COL5A2: variants seen among roughly 807,000 people sequenced by gnomAD.
COL5A2 encodes the protein collagen type V alpha 2 chain.
In COL5A2, 23 loss-of-function variants were observed where a neutral mutation model predicts 208.2. The ratio of observed to expected loss-of-function variants is 0.11; its 90% confidence interval spans 0.08 to 0.16. The LOEUF is 0.16. Among genes scored for constraint, COL5A2 ranks in the 10% least tolerant of loss-of-function variants. The pLI, the probability that COL5A2 is intolerant of heterozygous loss-of-function variation, is 1.00. For missense variants in COL5A2, 1,590 were observed against 1,956.4 expected (o/e 0.81, Z 3.53); for synonymous variants, 625 against 628.5 (o/e 0.99, Z 0.08).
At chr2:189,049,832 G>C (rs1685747352) in intron 43 of COL5A2, among the ~76,000 whole-genome samples, 1 of 152,090 alleles carries the variant, frequency 6.6e-6, no homozygotes, top group African/African-American at 2.4e-5. Flanking sequence ...TCTCACTCTT[G>C]AGAGATTTTA....
intron 33 of COL5A2, 99 bp from the exon 34 acceptor site, chr2:189,057,526 T>G: frequency 1.2e-6 from 1 of 855,482 alleles, no homozygotes; most frequent in Non-Finnish European, 2.0e-6. Flanking sequence ...AGCAATTTCA[T>G]GTAGTTCAAC....
intron 5 of COL5A2, among the ~76,000 whole-genome samples, chr2:189,098,125 T>C (rs1262254886): frequency 6.6e-6 from 1 of 152,204 alleles, no homozygotes; most frequent in East Asian, 1.9e-4. Context: ...ATTGTGTATT[T>C]ACTCAACCCA....
At chr2:189,154,680 A>C (rs1688210746) in intron 1 of COL5A2, among the ~76,000 whole-genome samples, 1 of 152,150 alleles carries the variant, frequency 6.6e-6, no homozygotes, top group Admixed American at 6.6e-5. Flanking sequence ...TAGGTTGCCC[A>C]GGCTGTTCTT....
chr2:189,045,340 ATGTGTGTGTG>A (rs111268949), intron 46 of COL5A2, 108 bp from the exon 47 acceptor site: 19 of 582,260 alleles, frequency 3.3e-5, no homozygotes, highest in Non-Finnish European at 4.0e-5. Flanking sequence ...ATATATATAT[ATGTGTGTGTG>A]TGTGTGTGTG....
intron 42 of COL5A2, 49 bp from the exon 43 acceptor site, chr2:189,050,725 T>C (rs1685768205): frequency 6.9e-7 from 1 of 1,453,058 alleles, no homozygotes; most frequent in Non-Finnish European, 9.4e-7. Flanking sequence ...GGTAAAACTG[T>C]ACCCAAGGAA....
At position 189,058,415 on chromosome 2, in the gene COL5A2, A is replaced by C; in HGVS notation, c.2229+14T>G. 1.9e-6 allele frequency: 3 copies of C among 1,599,548 alleles called. No individual in the cohort carries two copies. Among genetic ancestry groups the C allele is most frequent in the Non-Finnish European group, 1.7e-6 (2 of 1,166,802 alleles). On this transcript the variant is annotated intron_variant, in intron 33 of 53. Coordinates refer to ENST00000374866, the MANE Select transcript of COL5A2 (RefSeq NM_000393.5). The stretch of plus-strand genomic sequence containing the variant: ...TAAAGCATTTTAAAACACTGAGATC[A>C]CTATGACACTTACTTTTGGGCCATC...
chr2:189,164,927 A>C (rs1447677101), intron 1 of COL5A2, among the ~76,000 whole-genome samples: 1 of 152,234 alleles, frequency 6.6e-6, no homozygotes, highest in Non-Finnish European at 1.5e-5. Flanking sequence ...GAGCAAGCTC[A>C]AACAGCTGCT....
At chr2:189,257,351 T>C in the COL5A2 span, among the ~76,000 whole-genome samples, 2 of 152,180 alleles carry the variant, frequency 1.3e-5, no homozygotes, top group African/African-American at 4.8e-5. Flanking sequence ...CCTAAACAAT[T>C]TGTGAGGTTC....
chr2:189,366,991 G>A, the COL5A2 span, among the ~76,000 whole-genome samples: 2 of 152,126 alleles, frequency 1.3e-5, no homozygotes, highest in African/African-American at 2.4e-5. Context: ...GTTGGCAGAC[G>A]ATCTCATTTT....
intron 1 of COL5A2, among the ~76,000 whole-genome samples, chr2:189,163,236 A>G (rs1212930422): frequency 1.3e-5 from 2 of 152,108 alleles, no homozygotes; most frequent in African/African-American, 2.4e-5. Flanking sequence ...GCAGTTTGGT[A>G]TGTTCAAGGA....
intron 1 of COL5A2, among the ~76,000 whole-genome samples, chr2:189,202,700 C>T (rs1162284625): frequency 6.6e-6 from 1 of 152,008 alleles, no homozygotes; most frequent in Non-Finnish European, 1.5e-5. Context: ...ATACTATGGG[C>T]ATGATGAATT....
At chr2:189,434,280 T>A in the COL5A2 span, among the ~76,000 whole-genome samples, 1 of 152,216 alleles carries the variant, frequency 6.6e-6, no homozygotes, top group Admixed American at 6.5e-5. Flanking sequence ...AAGACAGGGA[T>A]GCCCTCTCTC....
the COL5A2 span, among the ~76,000 whole-genome samples, chr2:189,413,438 A>G: frequency 1.3e-5 from 2 of 152,302 alleles, 1 homozygote; most frequent in South Asian, 4.1e-4. Flanking sequence ...AAAAAATTAA[A>G]TAAGTATTAA....
At chr2:189,048,336 T>C in intron 44 of COL5A2, 74 bp from the exon 45 acceptor site, 1 of 1,372,628 alleles carries the variant, frequency 7.3e-7, no homozygotes, top group Middle Eastern at 1.8e-4. Context: ...TGTCAAAAAA[T>C]GACAGCATGT....
chr2:189,256,098 G>T, the COL5A2 span, among the ~76,000 whole-genome samples: 1 of 152,114 alleles, frequency 6.6e-6, no homozygotes, highest in African/African-American at 2.4e-5. Context: ...CAGAGTACCT[G>T]GCACTGAGGA....
the COL5A2 span, chr2:189,311,412 G>A: frequency 2.6e-5 from 29 of 1,104,282 alleles, no homozygotes; most frequent in Middle Eastern, 2.8e-4. Flanking sequence ...AGCAGGCGGC[G>A]GTAGGTGGTG....
chr2:189,142,654 A>G (rs1383805163), intron 1 of COL5A2, among the ~76,000 whole-genome samples: 2 of 152,118 alleles, frequency 1.3e-5, no homozygotes, highest in African/African-American at 4.8e-5. Flanking sequence ...TCTGCTTTCA[A>G]TAGGACAGAC....
In COL5A2 at chr2:189,110,542, T is replaced by C. The variant is rs1357606631; in HGVS notation, c.98-93A>G. 1.8e-5 allele frequency: 21 copies of C among 1,194,274 alleles called. No individual in the cohort carries two copies. The African/African-American group carries it at 3.2e-4, about 18-fold the overall frequency. 74.0% of individuals were successfully genotyped at this position (1,194,274 alleles called of 1,614,324 possible). ...CCATCTTGTGGATTCTAAAAAATTC[T>C]GGACTAAGAAGTAACCTTCCAAGGA... On this transcript the variant is annotated intron_variant, in intron 1 of 53. Transcript: ENST00000374866.
chr2:189,068,932 G>A (rs776020641), intron 18 of COL5A2, 48 bp from the exon 19 acceptor site: 11 of 1,282,130 alleles, frequency 8.6e-6, no homozygotes, highest in African/African-American at 2.9e-5. Context: ...ATACGAGAGT[G>A]GCATTGTACA....
Sources: gnomAD v4.1 joint callset for allele counts (sites outside exome capture counted in the v4.1 genomes callset) on GRCh38, gnomAD v4.1.1 for gene constraint, MANE v1.5 for transcripts, NCBI Gene and HGNC (gene_info 2026-07-23, HGNC 2026-07-21) for gene names.